The following MYO15A variants were observed in gnomAD, a reference collection of about 807,000 sequenced individuals.
MYO15A encodes unconventional myosin-XV.
In MYO15A, 308 loss-of-function variants were observed where a neutral mutation model predicts 394.6. The observed-to-expected ratio is 0.78, with a 90% CI of 0.71 to 0.86. MYO15A has a LOEUF of 0.86. MYO15A is among the 40% of genes least tolerant of loss of function. The probability of loss-of-function intolerance (pLI) is 0.00; values close to 1 mark genes in which losing one functional copy is unlikely to be tolerated. For synonymous variants in MYO15A, 1,957 were observed against 2,003.8 expected (o/e 0.98, Z 0.62); for missense variants, 4,606 against 4,799.1 (o/e 0.96, Z 1.19).
chr17:18,177,257 A>C (rs1020352704), intron 65 of MYO15A: 1 of 152,206 alleles, frequency 6.6e-6, no homozygotes, highest in Non-Finnish European at 1.5e-5. Flanking sequence ...TACCTTGATC[A>C]GTGCTGGGAG....
intron 64 of MYO15A, chr17:18,172,759 T>C: frequency 3.6e-6 from 1 of 278,000 alleles, no homozygotes; most frequent in East Asian, 9.6e-5. Flanking sequence ...TGTATCCAAA[T>C]TTCCTCTTAT....
chr17:18,120,995 C>A lies in MYO15A; in HGVS notation c.2195C>A (p.Pro732His). 2 of 1,506,920 alleles carry A rather than the reference C, an allele frequency of 1.3e-6. No homozygotes were observed. Among genetic ancestry groups the A allele is most frequent in the Non-Finnish European group, 1.8e-6 (2 of 1,132,952 alleles). The allele number at this position is 1,506,920 out of a possible 1,614,324, so 93.3% of individuals were successfully genotyped here. Residue 732 changes from proline to histidine, a missense_variant, in exon 2 of 66, where the codon CCC becomes CAC. Transcript: ENST00000647165. ...CCCCCTGCCGTGAGCCCGGAGGTGC[C>A]CCCCGACCTACTAGCCTTCCCAGGG... ...VEPPAVSPEV[P>H]PDLLAFPGPR...
rs1371861146 is a variant in MYO15A, at chr17:18,147,534, C to T, written c.6510-495C>T. On this transcript the variant is annotated intron_variant, in intron 30 of 65. Transcript: ENST00000647165. The surrounding 1 kb of genome is among the most constrained non-coding windows in gnomAD (Gnocchi z 4.4). ...CATTGGGCCTGGGTTGAGTTGAACC[C>T]TCAGCTGTCCCTTTTATAGGTGAAA... is the stretch of plus-strand genomic sequence containing the variant. Among the ~76,000 whole-genome samples, 1 of 152,128 alleles carries T rather than the reference C, an allele frequency of 6.6e-6. No homozygotes were observed. The highest frequency in any genetic ancestry group is 2.4e-5 in the African/African-American group (1 of 41,406).
rs749101782 is a variant in MYO15A at position 18,120,138 on chromosome 17, G to A, written c.1338G>A (p.Gln446=). ...CAGAGGACGCGGGCGTAGAGCGTCA[G>A]GGGACCTCCTTCCGCCTGCCCAGCG... ...EEPEDAGVER[Q]GTSFRLPSAA... The change falls in exon 2 of 66, where the codon CAG becomes CAA. Residue 446 remains glutamine (Q), a synonymous_variant. Coordinates refer to ENST00000647165, the MANE Select transcript of MYO15A (RefSeq NM_016239.4). 1 of 1,612,970 alleles carries A rather than the reference G, an allele frequency of 6.2e-7. No homozygotes were observed. The highest frequency in any genetic ancestry group is 1.1e-5 in the South Asian group (1 of 91,092).
intron 62 of MYO15A, among the ~76,000 whole-genome samples, chr17:18,169,868 G>A (rs2046913464): frequency 6.6e-6 from 1 of 151,624 alleles, no homozygotes; most frequent in African/African-American, 2.4e-5. Flanking sequence ...GAGAAGCTGA[G>A]GTGGGAGGAT....
chr17:18,170,939 A>C (rs1185598617), intron 62 of MYO15A, among the ~76,000 whole-genome samples: 2 of 152,224 alleles, frequency 1.3e-5, no homozygotes, highest in Non-Finnish European at 2.9e-5. Flanking sequence ...TTCAGATGCC[A>C]GGCCCTTACC....
At position 18,147,561 on chromosome 17, in the gene MYO15A, C is replaced by G. The variant is rs2046503646; in HGVS notation, c.6510-468C>G. ...CAGCTGTCCCTTTTATAGGTGAAAA[C>G]TTGGAGGAGAGGCTCAGAGAGGGCA... is the stretch of plus-strand genomic sequence containing the variant. On this transcript the variant is annotated intron_variant, in intron 30 of 65. Coordinates refer to ENST00000647165, the MANE Select transcript of MYO15A (RefSeq NM_016239.4). The surrounding 1 kb of genome is among the most constrained non-coding windows in gnomAD (Gnocchi z 4.4). Among the ~76,000 whole-genome samples the G allele has an allele frequency of 6.6e-6, 1 of 152,074 alleles. No individual in the cohort carries two copies. Among genetic ancestry groups the G allele is most frequent in the Admixed American group, 6.6e-5 (1 of 15,254 alleles).
At chr17:18,173,759 G>A in intron 64 of MYO15A, 22 bp from the exon 65 acceptor site, 1 of 1,613,706 alleles carries the variant, frequency 6.2e-7, no homozygotes. Context: ...GGCCTGTCCG[G>A]CCCCTCTCCT....
intron 10 of MYO15A, 81 bp downstream of exon 10, chr17:18,131,612 G>C: frequency 1.3e-6 from 2 of 1,521,454 alleles, no homozygotes; most frequent in African/African-American, 1.4e-5. Context: ...GCCCCTGGTA[G>C]GGCTAGGTAG....
intron 48 of MYO15A, 90 bp from the exon 49 acceptor site, chr17:18,156,864 C>A: frequency 2.6e-6 from 3 of 1,150,484 alleles, no homozygotes; most frequent in South Asian, 1.2e-5. Context: ...CCTGATGAGT[C>A]AGGAAGGATG....
In MYO15A at chr17:18,154,758, A is replaced by G. The variant is rs1057519605; in HGVS notation, c.8224+3A>G. 6.2e-7 allele frequency: 1 copy of G among 1,613,320 alleles called. No individual in the cohort carries two copies. The highest frequency in any genetic ancestry group is 8.5e-7 in the Non-Finnish European group (1 of 1,179,964). On this transcript the variant is annotated splice_donor_region_variant and intron_variant, in intron 45 of 65. Coordinates refer to ENST00000647165, the MANE Select transcript of MYO15A (RefSeq NM_016239.4). ...GCTCAGGATGAAGGCCTTGTTTGGTATCTCGGGGGAGAGGAGGGGTACTGA... is the reference window on the plus strand; with the variant it reads ...GCTCAGGATGAAGGCCTTGTTTGGTGTCTCGGGGGAGAGGAGGGGTACTGA...
chr17:18,124,586 G>A (rs2045998366), intron 3 of MYO15A, 21 bp downstream of exon 3: 1 of 1,610,772 alleles, frequency 6.2e-7, no homozygotes, highest in African/African-American at 1.3e-5. Flanking sequence ...AGGGCCGGCG[G>A]GGTCAGCAAG....
Position 18,140,566 on chromosome 17 carries a change from G to T in MYO15A, c.5261G>T (p.Arg1754Leu). 2.5e-6 allele frequency: 4 copies of T among 1,613,678 alleles called. No individual in the cohort carries two copies. Among genetic ancestry groups the T allele is most frequent in the Non-Finnish European group, 3.4e-6 (4 of 1,180,040 alleles). The change falls in exon 20 of 66, where the codon CGC (arginine) becomes CTC (leucine). Residue 1754 changes from arginine to leucine, a missense_variant. Transcript: ENST00000647165. ...SSHAPQAAPQ[R>L]LGKSSSVTRL... ...CATGCCCCACAGGCTGCCCCTCAGC[G>T]CCTGGGCAAGAGCAGCTCCGTCACT...
rs2047051012 is a variant in MYO15A at position 18,178,805 on chromosome 17, G to A, written c.10528G>A (p.Glu3510Lys). 2.5e-6 allele frequency: 4 copies of A among 1,613,998 alleles called. No homozygotes were observed. In the Middle Eastern group the frequency reaches 4.9e-4, roughly 200 times the overall value. Residue 3510 changes from glutamate to lysine, a missense_variant, in exon 66 of 66, where the codon GAG becomes AAG. Transcript: ENST00000647165. Reference protein sequence around the residue: ...ELCRVVAVHVENLLSAHEKRL... With the variant: ...ELCRVVAVHVKNLLSAHEKRL... ...GTGTCGTGTGGTGGCCGTGCACGTGGAGAACCTGCTCAGTGCCCATGAGAA... is the reference window on the plus strand; with the variant it reads ...GTGTCGTGTGGTGGCCGTGCACGTGAAGAACCTGCTCAGTGCCCATGAGAA...
At chr17:18,135,567 C>T in intron 12 of MYO15A, 144 bp from the exon 13 acceptor site, 1 of 706,866 alleles carries the variant, frequency 1.4e-6, no homozygotes, top group Non-Finnish European at 2.4e-6. Flanking sequence ...TCTCGAACTC[C>T]TGGCCTCAGG....
chr17:18,135,274 G>A (rs192990186), intron 12 of MYO15A, among the ~76,000 whole-genome samples: 2 of 152,084 alleles, frequency 1.3e-5, no homozygotes, highest in African/African-American at 4.8e-5. Flanking sequence ...GGGTTCAAAC[G>A]ATTCTCCTGC....
At chr17:18,154,323 GT>G in intron 44 of MYO15A, 133 bp downstream of exon 44, 2 of 1,052,450 alleles carry the variant, frequency 1.9e-6, no homozygotes, top group Non-Finnish European at 2.9e-6. Flanking sequence ...ATGGGCAGCT[GT>G]TTTATTGAAT....
chr17:18,151,868 A>C lies in MYO15A; in HGVS notation c.7810A>C (p.Met2604Leu), dbSNP rs2046589296. The change falls in exon 41 of 66, where the codon ATG becomes CTG. Residue 2604 changes from methionine to leucine, a missense_variant. Met to Leu is a conservative substitution (Grantham distance 15). Coordinates refer to ENST00000647165, the MANE Select transcript of MYO15A (RefSeq NM_016239.4). The part of the protein sequence containing the change: ...ALRKDGGKVF[M>L]KRPDPHEEAL... The stretch of plus-strand genomic sequence containing the variant: ...CAGGAAGGATGGCGGGAAAGTGTTC[A>C]TGAAGCGGCCAGACCCTCATGAGGA... 1.9e-6 allele frequency: 3 copies of C among 1,578,116 alleles called. No individual in the cohort carries two copies. In the Admixed American group the frequency reaches 5.6e-5, roughly 30 times the overall value.
At chr17:18,156,724 T>C (rs1450587819) in intron 48 of MYO15A, among the ~76,000 whole-genome samples, 2 of 152,240 alleles carry the variant, frequency 1.3e-5, no homozygotes, top group Non-Finnish European at 2.9e-5. Context: ...CAGGAAAGTC[T>C]GTGAGGGATT....
Sources: allele counts gnomAD v4.1 joint callset (sites outside exome capture counted in the v4.1 genomes callset), GRCh38; gene constraint gnomAD v4.1.1; non-coding constraint Gnocchi (gnomAD v3.1); transcripts MANE v1.5; gene names NCBI Gene and HGNC (gene_info 2026-07-23, HGNC 2026-07-21).